MTF2: variants seen among roughly 807,000 people sequenced by gnomAD.
MTF2 encodes the protein metal-response element-binding transcription factor 2.
Under a neutral mutation model 79.5 loss-of-function variants are expected in MTF2, and 11 were observed. The ratio of observed to expected loss-of-function variants is 0.14; its 90% CI spans 0.09 to 0.23. MTF2 has a LOEUF of 0.23. Among genes scored for constraint, MTF2 ranks in the 10% least tolerant of loss-of-function variants. The pLI, the probability that MTF2 is intolerant of heterozygous loss-of-function variation, is 1.00. For missense variants in MTF2, 486 were observed against 711.2 expected, an observed-to-expected ratio of 0.68 and a Z score of 3.60; for synonymous variants, 208 against 232.8, an observed-to-expected ratio of 0.89 and a Z score of 0.97.
Position 93,117,655 on chromosome 1 carries a change from T to C in MTF2, c.633-690T>C, listed in dbSNP as rs1656301032. On this transcript the variant is annotated intron_variant, in intron 6 of 14. Transcript: ENST00000370298. Reference sequence around the variant, plus strand: ...GAATGTTTATAATCTGAAAGCTGCCTAAGGCCATTTGATATTTGGGGCAAA... The same window carrying C: ...GAATGTTTATAATCTGAAAGCTGCCCAAGGCCATTTGATATTTGGGGCAAA... Among the ~76,000 whole-genome samples, 4 of 152,308 alleles carry C rather than the reference T, an allele frequency of 2.6e-5. No homozygotes were observed. The South Asian group carries it at 8.3e-4, about 32-fold the overall frequency.
At chr1:93,132,091 G>T (rs534980201) in intron 11 of MTF2, among the ~76,000 whole-genome samples, 2 of 151,914 alleles carry the variant, frequency 1.3e-5, no homozygotes, top group Non-Finnish European at 2.9e-5. Flanking sequence ...CCATTTTCTC[G>T]ATGAAATATA....
intron 1 of MTF2, among the ~76,000 whole-genome samples, chr1:93,103,771 G>C (rs1655647052): frequency 6.6e-6 from 1 of 152,154 alleles, no homozygotes; most frequent in Admixed American, 6.5e-5. Flanking sequence ...GTAATGGGGT[G>C]GGGGAAACTG....
intron 1 of MTF2, among the ~76,000 whole-genome samples, chr1:93,105,361 C>T (rs1387723170): frequency 1.3e-5 from 2 of 152,188 alleles, no homozygotes; most frequent in African/African-American, 2.4e-5. Context: ...TTATTCTACC[C>T]CCCATCCCCA....
chr1:93,111,224 A>G (rs561852165), intron 3 of MTF2, among the ~76,000 whole-genome samples: 3 of 152,172 alleles, frequency 2.0e-5, no homozygotes, highest in Non-Finnish European at 2.9e-5. Context: ...TCTGCTAAAT[A>G]TAGATGTTTT....
intron 1 of MTF2, among the ~76,000 whole-genome samples, chr1:93,097,687 T>A (rs1655353430): frequency 6.6e-6 from 1 of 152,170 alleles, no homozygotes; most frequent in Non-Finnish European, 1.5e-5. Flanking sequence ...AACCTCCACC[T>A]CCCGGGTTCG....
intron 11 of MTF2, among the ~76,000 whole-genome samples, chr1:93,130,436 G>A (rs1019596299): frequency 6.6e-6 from 1 of 152,146 alleles, no homozygotes; most frequent in Admixed American, 6.5e-5. Flanking sequence ...AATTAGCCGG[G>A]CATGGTGGCT....
chr1:93,097,580 G>A (rs1276408991), intron 1 of MTF2, among the ~76,000 whole-genome samples: 1 of 151,892 alleles, frequency 6.6e-6, no homozygotes, highest in Non-Finnish European at 1.5e-5. Flanking sequence ...CAATTTCTTC[G>A]TGGCCTGATT....
intron 6 of MTF2, among the ~76,000 whole-genome samples, chr1:93,116,501 A>ATT (rs34058324): frequency 0.062 from 7,476 of 120,318 alleles, 958 homozygotes; most frequent in African/African-American, 0.24. Flanking sequence ...CCATTGTAAG[A>ATT]TTTTTTTTTT....
chr1:93,114,833 A>G (rs1167745020), intron 4 of MTF2, 50 bp downstream of exon 4: 1 of 1,426,828 alleles, frequency 7.0e-7, no homozygotes, highest in Non-Finnish European at 9.7e-7. Flanking sequence ...GACTATGTTG[A>G]AGATTAATGA....
intron 9 of MTF2, among the ~76,000 whole-genome samples, chr1:93,123,402 C>T (rs1276420246): frequency 2.0e-5 from 3 of 151,584 alleles, no homozygotes; most frequent in Admixed American, 6.6e-5. Flanking sequence ...TAGACTAAAG[C>T]GCCTGCTCTA....
At chr1:93,092,906 G>A (rs554847238) in intron 1 of MTF2, among the ~76,000 whole-genome samples, 1 of 152,136 alleles carries the variant, frequency 6.6e-6, no homozygotes, top group Non-Finnish European at 1.5e-5. Context: ...TTAGAGGCCG[G>A]GTGCGATGGC....
intron 14 of MTF2, among the ~76,000 whole-genome samples, chr1:93,136,372 A>AG (rs1647399945): frequency 6.6e-6 from 1 of 152,240 alleles, no homozygotes; most frequent in African/African-American, 2.4e-5. Context: ...ATTTATGAGT[A>AG]GGGCCTCTTC....
intron 1 of MTF2, among the ~76,000 whole-genome samples, chr1:93,094,043 ATC>A (rs1244539851): frequency 6.6e-6 from 1 of 152,086 alleles, no homozygotes; most frequent in Non-Finnish European, 1.5e-5. Flanking sequence ...TTGCCCTTTT[ATC>A]TCTTTGTAAA....
At chr1:93,121,576 G>C in intron 9 of MTF2, 1 of 978,424 alleles carries the variant, frequency 1.0e-6, no homozygotes, top group Non-Finnish European at 1.2e-6. Flanking sequence ...GGGCTTTTTG[G>C]GGGTTTATGG....
In MTF2 at chr1:93,110,441, A is replaced by T. The variant is rs757001167; in HGVS notation, c.204+13A>T. On this transcript the variant is annotated intron_variant, in intron 2 of 14. Transcript: ENST00000370298. ...CACTATCAAAAAGGCAAGTTACTTT[A>T]ATGTATCTTTTGCTGTTTTTGCAGT... The T allele has an allele frequency of 8.7e-6, 14 of 1,613,660 alleles. No homozygotes were observed. Among genetic ancestry groups the T allele is most frequent in the Non-Finnish European group, 1.2e-5 (14 of 1,179,588 alleles).
At chr1:93,106,379 C>T (rs1655788271) in intron 1 of MTF2, among the ~76,000 whole-genome samples, 1 of 151,754 alleles carries the variant, frequency 6.6e-6, no homozygotes, top group African/African-American at 2.4e-5. Context: ...CTTTGGAATT[C>T]TAGGTCTTAA....
chr1:93,109,663 A>G (rs1301540297), intron 1 of MTF2, among the ~76,000 whole-genome samples: 1 of 152,072 alleles, frequency 6.6e-6, no homozygotes, highest in East Asian at 1.9e-4. Context: ...CTATAATGTA[A>G]TGAAATTGCT....
chr1:93,123,939 A>G (rs1330297918), intron 9 of MTF2, among the ~76,000 whole-genome samples: 1 of 152,012 alleles, frequency 6.6e-6, no homozygotes, highest in African/African-American at 2.4e-5. Context: ...AGCTACATCA[A>G]TACATCATTA....
chr1:93,089,472 A>G (rs972958817), intron 1 of MTF2, among the ~76,000 whole-genome samples: 1 of 152,194 alleles, frequency 6.6e-6, no homozygotes, highest in Non-Finnish European at 1.5e-5. Context: ...TTTACTTTCA[A>G]TTGTAATTCA....
Sources: gnomAD v4.1 joint callset for allele counts (sites outside exome capture counted in the v4.1 genomes callset) on GRCh38, gnomAD v4.1.1 for gene constraint, MANE v1.5 for transcripts, NCBI Gene and HGNC (gene_info 2026-07-23, HGNC 2026-07-21) for gene names.